The following FOXP1 variants were observed in gnomAD, a reference collection of about 807,000 sequenced individuals.
FOXP1 encodes the protein forkhead box P1.
A neutral mutation model predicts 98.2 loss-of-function variants in FOXP1; 15 were observed. The ratio of observed to expected loss-of-function variants is 0.15; its 90% CI spans 0.10 to 0.24. The LOEUF is 0.24. Ranked by LOEUF, FOXP1 falls within the 10% of genes least tolerant of loss-of-function variation. The probability of loss-of-function intolerance (pLI) is 1.00; values close to 1 mark genes in which losing one functional copy is unlikely to be tolerated. For synonymous variants in FOXP1, 371 were observed against 314.5 expected, an observed-to-expected ratio of 1.18 and a Z score of -1.90; for missense variants, 633 against 848.5, an observed-to-expected ratio of 0.75 and a Z score of 3.15.
chr3:71,496,735 A>C (rs1176668364), intron 2 of FOXP1, among the ~76,000 whole-genome samples: 1 of 152,060 alleles, frequency 6.6e-6, no homozygotes, highest in Non-Finnish European at 1.5e-5. Context: ...TGATCCAGGG[A>C]GTCGGAAGTT....
At chr3:71,011,131 T>A (rs1224834603) in intron 12 of FOXP1, among the ~76,000 whole-genome samples, 1 of 152,174 alleles carries the variant, frequency 6.6e-6, no homozygotes, top group Non-Finnish European at 1.5e-5. Context: ...ATATGACCAG[T>A]CAATGCGTAA....
chr3:71,074,828 T>C (rs1391588145), intron 7 of FOXP1, among the ~76,000 whole-genome samples: 1 of 152,200 alleles, frequency 6.6e-6, no homozygotes, highest in African/African-American at 2.4e-5. Context: ...TGGCTGGATG[T>C]GGGAGTGGGA....
At chr3:71,112,365 T>A (rs2058015318) in intron 7 of FOXP1, among the ~76,000 whole-genome samples, 171 bp downstream of exon 7, 1 of 152,182 alleles carries the variant, frequency 6.6e-6, no homozygotes, top group African/African-American at 2.4e-5. Flanking sequence ...AAACTTTTGG[T>A]CAAATACACA....
At chr3:71,290,981 T>C (rs750301395) in intron 5 of FOXP1, among the ~76,000 whole-genome samples, 35 of 152,354 alleles carry the variant, frequency 2.3e-4, no homozygotes, top group African/African-American at 8.4e-4. Flanking sequence ...CTCTTTAGAA[T>C]AGGCTACATC....
rs1395581992 is a variant in FOXP1 at position 70,976,632 on chromosome 3, G to GTAA, written c.1530+306_1530+308dup. 2.6e-5 allele frequency among the ~76,000 whole-genome samples: 4 copies of GTAA among 152,308 alleles called. No individual in the cohort carries two copies. The East Asian group carries it at 7.7e-4, about 29-fold the overall frequency. The stretch of plus-strand genomic sequence containing the variant: ...ACCTAACGGCATGAGGTTTGTGCAA[G>GTAA]TAATATGGCAACCTCCACTTCTGGG... On this transcript the variant is annotated intron_variant, in intron 17 of 20. Coordinates refer to ENST00000649528, the MANE Select transcript of FOXP1 (RefSeq NM_001349338.3).
intron 2 of FOXP1, among the ~76,000 whole-genome samples, chr3:71,519,773 C>CTGT (rs577511706): frequency 3.3e-4 from 50 of 152,342 alleles, no homozygotes; most frequent in Middle Eastern, 3.4e-3. Flanking sequence ...AAATGACAAA[C>CTGT]TGTTGTCTGC....
At chr3:70,999,276 G>T (rs1424371552) in intron 13 of FOXP1, among the ~76,000 whole-genome samples, 2 of 152,120 alleles carry the variant, frequency 1.3e-5, no homozygotes, top group African/African-American at 4.8e-5. Flanking sequence ...TTTTAGTAGA[G>T]ACGGGGTTTC....
intron 3 of FOXP1, among the ~76,000 whole-genome samples, chr3:71,418,935 C>CAAA (rs34398058): frequency 6.4e-5 from 7 of 108,656 alleles, no homozygotes; most frequent in African/African-American, 1.1e-4. Flanking sequence ...AGACCGGTCT[C>CAAA]AAAAAAAAAA....
chr3:70,996,396 C>T (rs976003522), intron 13 of FOXP1, among the ~76,000 whole-genome samples: 1 of 152,174 alleles, frequency 6.6e-6, no homozygotes, highest in Non-Finnish European at 1.5e-5. Context: ...TGCCCAGCTT[C>T]CTGAAATCTC....
intron 3 of FOXP1, among the ~76,000 whole-genome samples, chr3:71,443,691 C>T (rs1412951071): frequency 3.3e-5 from 5 of 152,196 alleles, no homozygotes; most frequent in African/African-American, 1.2e-4. Flanking sequence ...AAGTGACCTG[C>T]TCTAGGGATT....
At chr3:71,030,227 G>A (rs1222463364) in intron 11 of FOXP1, among the ~76,000 whole-genome samples, 1 of 152,202 alleles carries the variant, frequency 6.6e-6, no homozygotes, top group Non-Finnish European at 1.5e-5. Flanking sequence ...TCTGATAGGA[G>A]GCTAAATACC....
At chr3:71,257,290 AAT>A in intron 5 of FOXP1, among the ~76,000 whole-genome samples, 1 of 152,120 alleles carries the variant, frequency 6.6e-6, no homozygotes. Flanking sequence ...AAAAACGCAG[AAT>A]GGGACCAGGC....
At chr3:71,013,956 G>A (rs1365748298) in intron 12 of FOXP1, among the ~76,000 whole-genome samples, 1 of 152,166 alleles carries the variant, frequency 6.6e-6, no homozygotes, top group Non-Finnish European at 1.5e-5. Context: ...TATGGAGAAA[G>A]CTGAAACTGG....
chr3:71,285,809 A>T (rs540206115), intron 5 of FOXP1, among the ~76,000 whole-genome samples: 1 of 152,348 alleles, frequency 6.6e-6, no homozygotes, highest in South Asian at 2.1e-4. Context: ...ATCTACAATT[A>T]CACAGTGGCC....
Position 70,958,326 on chromosome 3 carries a change from C to G in FOXP1, c.*921G>C. On this transcript the variant is annotated 3_prime_UTR_variant, in exon 21 of 21. Transcript: ENST00000649528. The stretch of plus-strand genomic sequence containing the variant: ...GTTTGTCTCTCTTTTTTTTTTCTGT[C>G]ATTCATTCTCTTTCTGGCAGGACGT... 3.8e-6 allele frequency: 2 copies of G among 521,588 alleles called. No individual in the cohort carries two copies. The highest frequency in any genetic ancestry group is 4.0e-5 in the East Asian group (1 of 25,214). 32.3% of individuals were successfully genotyped at this position (521,588 alleles called of 1,614,324 possible).
chr3:70,986,579 C>T (rs1245533924), intron 14 of FOXP1, among the ~76,000 whole-genome samples: 2 of 152,234 alleles, frequency 1.3e-5, no homozygotes, highest in Non-Finnish European at 2.9e-5. Context: ...TTCGAGATGA[C>T]TTCAGCCAAG....
At chr3:71,569,430 T>C (rs555658616) in intron 2 of FOXP1, among the ~76,000 whole-genome samples, 2 of 152,202 alleles carry the variant, frequency 1.3e-5, no homozygotes, top group African/African-American at 2.4e-5. Context: ...TTGGTCCTTA[T>C]AGTGCTGCCC....
At chr3:71,378,696 T>C (rs944211420) in intron 3 of FOXP1, among the ~76,000 whole-genome samples, 30 of 151,596 alleles carry the variant, frequency 2.0e-4, no homozygotes, top group Admixed American at 1.4e-3. Context: ...TTTAAATAAA[T>C]TAAATATATA....
chr3:71,583,155 C>G lies in FOXP1; in HGVS notation c.-447+416G>C, dbSNP rs2048324303. Among the ~76,000 whole-genome samples the G allele has an allele frequency of 1.3e-5, 2 of 152,190 alleles. 1 individual carries two copies. Among genetic ancestry groups the G allele is most frequent in the South Asian group, 4.1e-4 (2 of 4,832 alleles). ...CCAGGCGGCCTGGGCTTATTGATTT[C>G]TCTCCCCTAGGCGATCGTGGAGAGC... On this transcript the variant is annotated intron_variant, in intron 1 of 20. Transcript: ENST00000649528.
Sources: gnomAD v4.1 joint callset for allele counts (sites outside exome capture counted in the v4.1 genomes callset) on GRCh38, gnomAD v4.1.1 for gene constraint, MANE v1.5 for transcripts, NCBI Gene and HGNC (gene_info 2026-07-23, HGNC 2026-07-21) for gene names.